The following ZNF407 variants were observed in gnomAD, a reference collection of about 807,000 sequenced individuals.
The protein encoded by ZNF407 is zinc finger protein 407.
ZNF407 carries 17 observed loss-of-function variants against 131.2 expected under a neutral mutation model. The ratio of observed to expected loss-of-function variants is 0.13; its 90% confidence interval spans 0.09 to 0.19. The LOEUF (loss-of-function observed/expected upper bound fraction) is 0.19. ZNF407 is among the 10% of genes least tolerant of loss of function. The pLI is 1.00. For synonymous variants in ZNF407, 1,156 were observed against 1,062.0 expected (o/e 1.09, Z -1.72); for missense variants, 2,681 against 2,830.6 (o/e 0.95, Z 1.20).
At chr18:74,605,477 G>T (rs62097585) in intron 1 of ZNF407, among the ~76,000 whole-genome samples, 185 of 152,230 alleles carry the variant, frequency 1.2e-3, no homozygotes, top group African/African-American at 4.3e-3. Flanking sequence ...CTGTTATCCA[G>T]CAGTGGTCAG....
intron 1 of ZNF407, among the ~76,000 whole-genome samples, chr18:74,598,838 C>T (rs561777648): frequency 2.2e-4 from 33 of 152,382 alleles, no homozygotes; most frequent in African/African-American, 7.2e-5. Flanking sequence ...GGTGCAGTGG[C>T]CGCTGACCTC....
In ZNF407 at chr18:75,021,341, T is replaced by C. The variant is rs761472980; in HGVS notation, c.5429-41809T>C. Reference sequence around the variant, plus strand: ...TGGAGTACAGTGGTGCAATCATGGCTCATTGCAGCCTCAAATTCCTTGGGC... The same window carrying C: ...TGGAGTACAGTGGTGCAATCATGGCCCATTGCAGCCTCAAATTCCTTGGGC... On this transcript the variant is annotated intron_variant, in intron 8 of 8. Transcript: ENST00000299687. Among the ~76,000 whole-genome samples, 28 of 152,176 alleles carry C rather than the reference T, an allele frequency of 1.8e-4. No homozygotes were observed. In the Middle Eastern group the frequency reaches 0.01, roughly 55 times the overall value.
At chr18:74,739,405 C>T (rs1163902552) in intron 3 of ZNF407, among the ~76,000 whole-genome samples, 1 of 151,882 alleles carries the variant, frequency 6.6e-6, no homozygotes, top group Non-Finnish European at 1.5e-5. Context: ...CAGTGAGGCA[C>T]ATGCTTCTCT....
chr18:75,063,366 T>G lies in ZNF407; in HGVS notation c.5645T>G (p.Val1882Gly). The stretch of plus-strand genomic sequence containing the variant: ...GGGGAGTTTGCCCTGGACCCCTCGG[T>G]GGAGGAGACGGCCGCCGCCACGCTG... Reference protein sequence around the residue: ...YDGEFALDPSVEETAAATLQT... With the variant: ...YDGEFALDPSGEETAAATLQT... The change falls in exon 9 of 9, where the codon GTG (valine) becomes GGG (glycine). Residue 1882 changes from valine (V) to glycine (G), a missense_variant. Coordinates refer to ENST00000299687, the MANE Select transcript of ZNF407 (RefSeq NM_017757.3). The surrounding 1 kb of genome is among the most constrained non-coding windows in gnomAD (Gnocchi z 6.6). 1 of 1,611,718 alleles carries G rather than the reference T, an allele frequency of 6.2e-7. No homozygotes were observed. The highest frequency in any genetic ancestry group is 8.5e-7 in the Non-Finnish European group (1 of 1,179,252).
intron 4 of ZNF407, among the ~76,000 whole-genome samples, chr18:74,813,428 G>A (rs1370616076): frequency 6.6e-6 from 1 of 151,680 alleles, no homozygotes; most frequent in East Asian, 1.9e-4. Flanking sequence ...TCTTCATGAT[G>A]CCGTGAGGCC....
chr18:74,908,810 A>C (rs1443373444), intron 7 of ZNF407, among the ~76,000 whole-genome samples: 3 of 152,146 alleles, frequency 2.0e-5, no homozygotes, highest in Non-Finnish European at 2.9e-5. Context: ...TCCAACCTAC[A>C]GTGAGCTTTA....
At chr18:74,768,688 T>G (rs368686983) in intron 3 of ZNF407, among the ~76,000 whole-genome samples, 12 of 152,352 alleles carry the variant, frequency 7.9e-5, no homozygotes, top group African/African-American at 2.9e-4. Flanking sequence ...CGTTGTTATA[T>G]TCCAGTAGGC....
At chr18:74,762,580 C>T (rs1031843749) in intron 3 of ZNF407, among the ~76,000 whole-genome samples, 2 of 152,114 alleles carry the variant, frequency 1.3e-5, no homozygotes, top group Non-Finnish European at 2.9e-5. Context: ...TGTAATCCAT[C>T]CTTCCTGCCA....
chr18:75,011,412 A>G (rs1183222249), intron 8 of ZNF407, among the ~76,000 whole-genome samples: 1 of 152,202 alleles, frequency 6.6e-6, no homozygotes, highest in Non-Finnish European at 1.5e-5. Flanking sequence ...TAACTGTATA[A>G]CAAAATAGAG....
intron 8 of ZNF407, among the ~76,000 whole-genome samples, chr18:74,969,231 C>A (rs79805803): frequency 0.037 from 5,702 of 152,218 alleles, 343 homozygotes; most frequent in African/African-American, 0.13. Flanking sequence ...TTCTTGTCGG[C>A]TTTCTCCAGC....
At chr18:75,061,410 A>G (rs188523178) in intron 8 of ZNF407, 1 of 152,342 alleles carries the variant, frequency 6.6e-6, no homozygotes, top group East Asian at 1.9e-4. Context: ...TTTTTTATGA[A>G]AATAAAGTTT....
intron 3 of ZNF407, among the ~76,000 whole-genome samples, chr18:74,663,286 C>G (rs564195733): frequency 6.6e-6 from 1 of 152,258 alleles, no homozygotes; most frequent in East Asian, 1.9e-4. Context: ...AATAACACTT[C>G]TGTATTGAAA....
At chr18:74,603,237 T>C (rs1291693613) in intron 1 of ZNF407, among the ~76,000 whole-genome samples, 1 of 152,192 alleles carries the variant, frequency 6.6e-6, no homozygotes, top group East Asian at 1.9e-4. Flanking sequence ...TGATAAGGAA[T>C]CTTGCTTTAA....
chr18:74,942,500 A>C (rs1972110711), intron 8 of ZNF407, among the ~76,000 whole-genome samples: 2 of 152,088 alleles, frequency 1.3e-5, no homozygotes, highest in African/African-American at 4.8e-5. Context: ...ACAGAAACCC[A>C]AGACTTTCCC....
chr18:74,776,167 A>C (rs1969467446), intron 3 of ZNF407, among the ~76,000 whole-genome samples: 1 of 152,128 alleles, frequency 6.6e-6, no homozygotes, highest in South Asian at 2.1e-4. Flanking sequence ...CCTTATAAGA[A>C]AGGCTTAAGG....
chr18:74,640,215 A>G (rs1016090071), intron 2 of ZNF407, among the ~76,000 whole-genome samples: 1 of 152,124 alleles, frequency 6.6e-6, no homozygotes, highest in Non-Finnish European at 1.5e-5. Flanking sequence ...TTTCAATCTT[A>G]TCTATTACTG....
intron 4 of ZNF407, among the ~76,000 whole-genome samples, chr18:74,842,746 C>A (rs760957030): frequency 6.6e-6 from 1 of 152,008 alleles, no homozygotes; most frequent in Non-Finnish European, 1.5e-5. Context: ...TTTTTTGAGA[C>A]AGAATATCGC....
At chr18:74,990,719 A>G (rs779017403) in intron 8 of ZNF407, among the ~76,000 whole-genome samples, 2 of 152,168 alleles carry the variant, frequency 1.3e-5, no homozygotes, top group Admixed American at 6.5e-5. Context: ...AAAACCTCAC[A>G]CTCAACTCTT....
intron 8 of ZNF407, among the ~76,000 whole-genome samples, chr18:74,955,665 T>C (rs1972267068): frequency 6.6e-6 from 1 of 152,200 alleles, no homozygotes; most frequent in South Asian, 2.1e-4. Context: ...ATGTTCCAAA[T>C]ACCCCAAGTA....
Sources: allele counts gnomAD v4.1 joint callset (sites outside exome capture counted in the v4.1 genomes callset), GRCh38; gene constraint gnomAD v4.1.1; non-coding constraint Gnocchi (gnomAD v3.1); transcripts MANE v1.5; gene names NCBI Gene and HGNC (gene_info 2026-07-23, HGNC 2026-07-21).